STRN: variants seen among roughly 807,000 people sequenced by gnomAD.
The protein encoded by STRN is protein phosphatase 2 regulatory subunit B'''alpha.
In STRN, 53 loss-of-function variants were observed where a neutral mutation model predicts 96.3. The ratio of observed to expected loss-of-function variants is 0.55; its 90% CI spans 0.44 to 0.69. The LOEUF is 0.69. STRN is among the 30% of genes least tolerant of loss of function. The pLI, the probability that STRN is intolerant of heterozygous loss-of-function variation, is 0.00. For missense variants in STRN, 987 were observed against 963.9 expected (o/e 1.02, Z -0.32); for synonymous variants, 428 against 355.9 (o/e 1.20, Z -2.28).
intron 4 of STRN, among the ~76,000 whole-genome samples, chr2:36,904,787 C>G (rs1047438738): frequency 1.3e-5 from 2 of 152,136 alleles, no homozygotes; most frequent in African/African-American, 2.4e-5. Context: ...AAGATTGTGC[C>G]ACTGGACTCC....
intron 1 of STRN, among the ~76,000 whole-genome samples, chr2:36,934,630 C>A (rs1037933546): frequency 6.6e-6 from 1 of 152,212 alleles, no homozygotes; most frequent in Non-Finnish European, 1.5e-5. Context: ...AACATTCAGT[C>A]TTTATGTATA....
rs1667863469 is a variant in STRN, at chr2:36,838,157, G to A, written c.*11299C>T. On this transcript the variant is annotated 3_prime_UTR_variant, in exon 18 of 18. Transcript: ENST00000263918. ...AGTCAAAGTATAAAAATAATTTGAT[G>A]CACCCTGGCAAGCTTTGAAGGTGGA... Among the ~76,000 whole-genome samples, 1 of 152,200 alleles carries A rather than the reference G, an allele frequency of 6.6e-6. No individual in the cohort carries two copies. The highest frequency in any genetic ancestry group is 2.4e-5 in the African/African-American group (1 of 41,442).
chr2:36,947,475 C>G (rs1252211876), intron 1 of STRN, among the ~76,000 whole-genome samples: 5 of 150,786 alleles, frequency 3.3e-5, no homozygotes, highest in Non-Finnish European at 7.4e-5. Context: ...TAAATCTTAA[C>G]CTACAAATTC....
At chr2:36,945,034 T>C (rs757414641) in intron 1 of STRN, among the ~76,000 whole-genome samples, 2 of 152,130 alleles carry the variant, frequency 1.3e-5, no homozygotes, top group African/African-American at 2.4e-5. Flanking sequence ...AAACCAGCAA[T>C]TCCAATATTT....
chr2:36,938,174 T>G (rs747819854), intron 1 of STRN, among the ~76,000 whole-genome samples: 1 of 151,954 alleles, frequency 6.6e-6, no homozygotes, highest in East Asian at 1.9e-4. Context: ...ACTAGTAATA[T>G]CAGCATTTTG....
intron 2 of STRN, among the ~76,000 whole-genome samples, chr2:36,919,822 A>G (rs999056274): frequency 2.6e-5 from 4 of 152,222 alleles, no homozygotes; most frequent in South Asian, 2.1e-4. Context: ...GTATTTATAT[A>G]GTATTTGAGG....
rs550547366 is a variant in STRN at position 36,847,247 on chromosome 2, G to A, written c.*2209C>T. The A allele has an allele frequency of 7.9e-5, 12 of 152,230 alleles. No individual in the cohort carries two copies. The highest frequency in any genetic ancestry group is 4.6e-4 in the Admixed American group (7 of 15,284). 9.4% of individuals were successfully genotyped at this position (152,230 alleles called of 1,614,324 possible). On this transcript the variant is annotated 3_prime_UTR_variant, in exon 18 of 18. Coordinates refer to ENST00000263918, the MANE Select transcript of STRN (RefSeq NM_003162.4). The stretch of plus-strand genomic sequence containing the variant: ...TTCAACCATGAAGCATAAAATGAAC[G>A]GGGGAAGAATGTCCTGGTTTTTAGA...
intron 1 of STRN, among the ~76,000 whole-genome samples, chr2:36,927,187 C>T (rs1170757314): frequency 6.6e-6 from 1 of 152,078 alleles, no homozygotes; most frequent in Non-Finnish European, 1.5e-5. Context: ...TGTTCAACTT[C>T]AAGCATAAGA....
In STRN at chr2:36,867,857, T is replaced by A; in HGVS notation, c.1504A>T (p.Thr502Ser). ...LQKTAPAKKS[T>S]SLDVEPIYTF... ...TAGATAGGTTCTACATCAAGAGAAG[T>A]GCTCCTAAATCAGAGAGAGATGACT... The change falls in exon 12 of 18, where the codon ACT becomes TCT. Residue 502 changes from threonine (T) to serine (S), a missense_variant. By Grantham distance (58) the Thr-to-Ser change is moderately conservative. Coordinates refer to ENST00000263918, the MANE Select transcript of STRN (RefSeq NM_003162.4). 1 of 1,592,286 alleles carries A rather than the reference T, an allele frequency of 6.3e-7. No individual in the cohort carries two copies. The highest frequency in any genetic ancestry group is 8.5e-7 in the Non-Finnish European group (1 of 1,170,998).
chr2:36,893,953 A>T lies in STRN; in HGVS notation c.876T>A (p.Val292=). 1 of 1,613,754 alleles carries T rather than the reference A, an allele frequency of 6.2e-7. No homozygotes were observed. The highest frequency in any genetic ancestry group is 8.5e-7 in the Non-Finnish European group (1 of 1,179,862). Residue 292 remains valine (V), a synonymous_variant, in exon 7 of 18, where the codon GTT becomes GTA. Coordinates refer to ENST00000263918, the MANE Select transcript of STRN (RefSeq NM_003162.4). ...KEALKEFDFL[V]TSEEGDNESR... ...ATTCATTGTCTCCTTCCTCTGATGT[A>T]ACCAAGAAGTCAAACTCCTTTAGAG...
chr2:36,964,166 G>C (rs931899254), intron 1 of STRN, among the ~76,000 whole-genome samples: 5 of 124,620 alleles, frequency 4.0e-5, no homozygotes, highest in African/African-American at 6.7e-5. Flanking sequence ...AACGAGGAGA[G>C]GGAGTGAACG....
chr2:36,866,335 G>A (rs1250525350), intron 12 of STRN, among the ~76,000 whole-genome samples: 2 of 152,264 alleles, frequency 1.3e-5, no homozygotes, highest in African/African-American at 4.8e-5. Flanking sequence ...CAAAAGTGCT[G>A]GGATTACAAG....
chr2:36,892,636 T>C (rs566848602), intron 7 of STRN, among the ~76,000 whole-genome samples: 2 of 152,264 alleles, frequency 1.3e-5, no homozygotes, highest in East Asian at 1.9e-4. Context: ...ATATGGAGAA[T>C]TCAAGTTCAA....
In STRN at chr2:36,839,388, G is replaced by A. The variant is rs78066581; in HGVS notation, c.*10068C>T. Among the ~76,000 whole-genome samples, 3,805 of 152,210 alleles carry A rather than the reference G, an allele frequency of 0.025. 72 individuals carry two copies. The highest frequency in any genetic ancestry group is 0.038 in the Non-Finnish European group (2,553 of 68,020). ...CATATAGCTGGCACTCAAATATTAA[G>A]GAAAGTAGTCTTCTGCTACTCTTGA... On this transcript the variant is annotated 3_prime_UTR_variant, in exon 18 of 18. Transcript: ENST00000263918.
chr2:36,908,046 A>T (rs906072177), intron 3 of STRN, among the ~76,000 whole-genome samples: 1 of 152,248 alleles, frequency 6.6e-6, no homozygotes, highest in Non-Finnish European at 1.5e-5. Context: ...AAACTAAGGG[A>T]AAACAAATAC....
intron 7 of STRN, among the ~76,000 whole-genome samples, chr2:36,890,593 C>T (rs1438575987): frequency 6.7e-6 from 1 of 149,780 alleles, no homozygotes; most frequent in African/African-American, 2.5e-5. Flanking sequence ...AAGTGATTCT[C>T]CTACCTCAGC....
intron 1 of STRN, among the ~76,000 whole-genome samples, chr2:36,937,259 G>T (rs997384749): frequency 7.3e-5 from 11 of 150,984 alleles, no homozygotes; most frequent in Non-Finnish European, 1.3e-4. Flanking sequence ...CAGGAGAATC[G>T]CATGAACCGG....
At chr2:36,946,576 T>C (rs1306420840) in intron 1 of STRN, among the ~76,000 whole-genome samples, 3 of 152,214 alleles carry the variant, frequency 2.0e-5, no homozygotes, top group Non-Finnish European at 4.4e-5. Flanking sequence ...TGTGTGTGTA[T>C]ACAGAAAATG....
chr2:36,961,776 A>G (rs918519098), intron 1 of STRN, among the ~76,000 whole-genome samples: 1 of 152,116 alleles, frequency 6.6e-6, no homozygotes, highest in African/African-American at 2.4e-5. Flanking sequence ...AGTCCTTACA[A>G]TGGGCAAGAC....
Sources: allele counts gnomAD v4.1 joint callset (sites outside exome capture counted in the v4.1 genomes callset), GRCh38; gene constraint gnomAD v4.1.1; transcripts MANE v1.5; gene names NCBI Gene and HGNC (gene_info 2026-07-23, HGNC 2026-07-21).